SEMA3D: variants seen among roughly 807,000 people sequenced by gnomAD.
SEMA3D encodes the protein semaphorin 3D, also known as semaphorin-3D.
SEMA3D carries 84 observed loss-of-function variants against 100.1 expected under a neutral mutation model. The observed-to-expected ratio is 0.84, with a 90% CI of 0.70 to 1.01. The LOEUF (loss-of-function observed/expected upper bound fraction) is 1.01. Ranked by LOEUF, SEMA3D falls within the 50% of genes least tolerant of loss-of-function variation. SEMA3D has a pLI of 0.00. For missense variants in SEMA3D, 875 were observed against 934.1 expected, an observed-to-expected ratio of 0.94 and a Z score of 0.82; for synonymous variants, 312 against 320.7, an observed-to-expected ratio of 0.97 and a Z score of 0.29.
At chr7:85,169,001 T>G (rs1441609301) in intron 1 of SEMA3D, among the ~76,000 whole-genome samples, 1 of 151,638 alleles carries the variant, frequency 6.6e-6, no homozygotes, top group Non-Finnish European at 1.5e-5. Context: ...TATCTCAGTT[T>G]GCTTTTTTAT....
At chr7:85,201,925 G>A in the SEMA3D span, among the ~76,000 whole-genome samples, 1 of 151,770 alleles carries the variant, frequency 6.6e-6, no homozygotes, top group Non-Finnish European at 1.5e-5. Flanking sequence ...TCACTGTGTT[G>A]CCCAGACTGG....
chr7:85,042,375 T>C (rs1282170363), intron 9 of SEMA3D, 90 bp from the exon 10 acceptor site: 1 of 859,284 alleles, frequency 1.2e-6, no homozygotes, highest in East Asian at 2.4e-5. Context: ...AGTGTCTTAT[T>C]GATGTCATTG....
intron 12 of SEMA3D, among the ~76,000 whole-genome samples, chr7:85,036,661 T>C (rs1790705303): frequency 6.6e-6 from 1 of 152,108 alleles, no homozygotes; most frequent in African/African-American, 2.4e-5. Flanking sequence ...AAGCTCCACA[T>C]TGTCCCCGTG....
chr7:85,121,000 A>C (rs1789395520), intron 3 of SEMA3D, among the ~76,000 whole-genome samples: 1 of 152,186 alleles, frequency 6.6e-6, no homozygotes, highest in Non-Finnish European at 1.5e-5. Flanking sequence ...GATCTTAAAG[A>C]TATCAGAGGA....
the SEMA3D span, among the ~76,000 whole-genome samples, chr7:85,215,617 G>A: frequency 6.6e-6 from 1 of 151,940 alleles, no homozygotes; most frequent in South Asian, 2.1e-4. Context: ...ATTCATTAAA[G>A]GCCCTAAGTT....
intron 2 of SEMA3D, among the ~76,000 whole-genome samples, chr7:85,122,859 T>C (rs1308458572): frequency 1.3e-5 from 2 of 152,202 alleles, no homozygotes; most frequent in Non-Finnish European, 2.9e-5. Context: ...TTAACTGGGT[T>C]GCCATAAAAT....
chr7:85,005,989 G>A (rs1235609639), intron 18 of SEMA3D, among the ~76,000 whole-genome samples: 1 of 152,002 alleles, frequency 6.6e-6, no homozygotes, highest in African/African-American at 2.4e-5. Flanking sequence ...TTCTAGAGAA[G>A]TTATGATCTG....
At chr7:85,089,934 A>G in intron 4 of SEMA3D, among the ~76,000 whole-genome samples, 1 of 152,152 alleles carries the variant, frequency 6.6e-6, no homozygotes, top group East Asian at 1.9e-4. Context: ...TATGTATTGC[A>G]TGAAAGAGAG....
intron 1 of SEMA3D, among the ~76,000 whole-genome samples, chr7:85,185,342 C>A (rs942130991): frequency 6.6e-6 from 1 of 151,882 alleles, no homozygotes; most frequent in South Asian, 2.1e-4. Context: ...TCTCTGCGCG[C>A]CCCCACCCCG....
the SEMA3D span, among the ~76,000 whole-genome samples, chr7:85,218,410 T>G: frequency 7.2e-5 from 11 of 152,122 alleles, no homozygotes; most frequent in South Asian, 1.4e-3. Context: ...TTAACTTTAT[T>G]ATTAAAAGTG....
chr7:85,078,676 A>G (rs142862304), intron 5 of SEMA3D, among the ~76,000 whole-genome samples: 1 of 152,200 alleles, frequency 6.6e-6, no homozygotes, highest in Non-Finnish European at 1.5e-5. Context: ...ACAAAGTGGA[A>G]TAGTTCCCTT....
chr7:84,999,586 A>G lies in SEMA3D; in HGVS notation c.2188T>C (p.Tyr730His). 1 of 1,614,090 alleles carries G rather than the reference A, an allele frequency of 6.2e-7. No individual in the cohort carries two copies. Among genetic ancestry groups the G allele is most frequent in the Non-Finnish European group, 8.5e-7 (1 of 1,180,026 alleles). ...TCCCTGTGCCACATCTGTTCGCAGT[A>G]CTGGTCGAGGCTGAAGTTTGGGCTG... is the stretch of plus-strand genomic sequence containing the variant. ...LSSPNFSLDQ[Y>H]CEQMWHREKR... Residue 730 changes from tyrosine (Y) to histidine (H), a missense_variant, in exon 19 of 19, where the codon TAC becomes CAC. Physicochemically the swap from Tyr to His is moderately conservative, Grantham distance 83 (BLOSUM62 2). Coordinates refer to ENST00000284136, the MANE Select transcript of SEMA3D (RefSeq NM_001384900.1).
Position 84,995,706 on chromosome 7 carries a change from A to G in SEMA3D, c.*3734T>C, listed in dbSNP as rs1030671551. The G allele has an allele frequency of 2.0e-5, 3 of 152,044 alleles. No homozygotes were observed. The highest frequency in any genetic ancestry group is 4.8e-5 in the African/African-American group (2 of 41,440). The allele number at this position is 152,044 out of a possible 1,614,324, so 9.4% of individuals were successfully genotyped here. A position where few individuals can be genotyped will look rare whatever the true frequency, so the allele number is the denominator to read the frequency against. ...AAATTGATTGCTAACCACTCACAAT[A>G]CCAGAATTAAATTACATGATTAACT... is the stretch of plus-strand genomic sequence containing the variant. On this transcript the variant is annotated 3_prime_UTR_variant, in exon 19 of 19. Coordinates refer to ENST00000284136, the MANE Select transcript of SEMA3D (RefSeq NM_001384900.1).
the SEMA3D span, among the ~76,000 whole-genome samples, chr7:85,197,277 A>G: frequency 6.6e-6 from 1 of 152,130 alleles, no homozygotes; most frequent in Non-Finnish European, 1.5e-5. Context: ...AAATATCTGA[A>G]TAGGAAACAG....
intron 12 of SEMA3D, among the ~76,000 whole-genome samples, chr7:85,025,923 T>C (rs1790380423): frequency 6.6e-6 from 1 of 152,040 alleles, no homozygotes; most frequent in Non-Finnish European, 1.5e-5. Context: ...GGAATTTCTA[T>C]GCCAGAAAAA....
intron 16 of SEMA3D, 58 bp from the exon 17 acceptor site, chr7:85,012,904 AG>A (rs1789997126): frequency 7.5e-7 from 1 of 1,336,144 alleles, no homozygotes; most frequent in South Asian, 1.2e-5. Flanking sequence ...TCATATAGAA[AG>A]GCTACATCTA....
intron 2 of SEMA3D, chr7:85,144,350 T>C (rs1790139336): frequency 2.2e-6 from 1 of 464,180 alleles, no homozygotes; most frequent in African/African-American, 2.1e-5. Flanking sequence ...GTATCATTTA[T>C]TAAATTTAAA....
At chr7:85,050,880 C>A in intron 9 of SEMA3D, 1 of 390,060 alleles carries the variant, frequency 2.6e-6, no homozygotes, top group Non-Finnish European at 4.6e-6. Context: ...ACCATCAACA[C>A]CAACTTCTTC....
At chr7:85,016,627 T>C (rs1790110904) in intron 15 of SEMA3D, among the ~76,000 whole-genome samples, 1 of 151,776 alleles carries the variant, frequency 6.6e-6, no homozygotes, top group Non-Finnish European at 1.5e-5. Flanking sequence ...TTCTGCTGGC[T>C]TTGATTTTGT....
Sources: gnomAD v4.1 joint callset for allele counts (sites outside exome capture counted in the v4.1 genomes callset) on GRCh38, gnomAD v4.1.1 for gene constraint, MANE v1.5 for transcripts, NCBI Gene and HGNC (gene_info 2026-07-23, HGNC 2026-07-21) for gene names.